Variants in RBFOX1 observed in about 807,000 individuals in gnomAD.
RBFOX1 encodes the protein RNA binding fox-1 homolog 1.
RBFOX1 carries 8 observed loss-of-function variants against 57.7 expected under a neutral mutation model. That is an observed-to-expected ratio of 0.14 (90% CI 0.08 to 0.25). RBFOX1 has a LOEUF of 0.25. Ranked by LOEUF, RBFOX1 falls within the 10% of genes least tolerant of loss-of-function variation. The pLI, the probability that RBFOX1 is intolerant of heterozygous loss-of-function variation, is 1.00. For missense variants in RBFOX1, 611 were observed against 548.5 expected (o/e 1.11, Z -1.14); for synonymous variants, 326 against 222.4 (o/e 1.47, Z -4.15).
chr16:7,033,180 T>A (rs1422739429), intron 3 of RBFOX1, among the ~76,000 whole-genome samples: 2 of 152,068 alleles, frequency 1.3e-5, no homozygotes, highest in Non-Finnish European at 2.9e-5. Context: ...AGGTGTTGAT[T>A]TTAGGGATTA....
At chr16:6,319,896 A>ATAAT (rs2081562991) in intron 2 of RBFOX1, among the ~76,000 whole-genome samples, 1 of 152,148 alleles carries the variant, frequency 6.6e-6, no homozygotes, top group Non-Finnish European at 1.5e-5. Flanking sequence ...CATCATGTTT[A>ATAAT]TAATTAATTA....
At chr16:5,886,607 G>T (rs1411214694) in intron 4 of RBFOX1, among the ~76,000 whole-genome samples, 1 of 152,204 alleles carries the variant, frequency 6.6e-6, no homozygotes, top group Non-Finnish European at 1.5e-5. Context: ...CGTCTCTTTG[G>T]CTGGGCGCGG....
In RBFOX1 at chr16:5,599,056, G is replaced by A; in HGVS notation, c.413G>A (p.Trp138Ter). Residue 138 changes from tryptophan (W) to a stop codon, truncating the protein, a stop_gained, in exon 3 of 3, where the codon TGG (tryptophan) becomes TAG (stop). Transcript: ENST00000585867. LOFTEE classifies it low-confidence loss of function (END_TRUNC). ...GTCTCCGTCATCAATCACCGGGAAT[G>A]GTTTTTACCTGAAACTGATCTTGCT... is the stretch of plus-strand genomic sequence containing the variant. The A allele has an allele frequency of 8.8e-7, 1 of 1,130,000 alleles. No homozygotes were observed. The highest frequency in any genetic ancestry group is 1.3e-6 in the Non-Finnish European group (1 of 776,348). 70.0% of individuals were successfully genotyped at this position (1,130,000 alleles called of 1,614,324 possible).
chr16:5,793,729 A>C (rs8050982), intron 3 of RBFOX1, among the ~76,000 whole-genome samples: 1 of 152,040 alleles, frequency 6.6e-6, no homozygotes, highest in Non-Finnish European at 1.5e-5. Context: ...GCCTGGATCT[A>C]TGTACATGTG....
chr16:7,448,524 A>G (rs2096507861), intron 4 of RBFOX1, among the ~76,000 whole-genome samples: 1 of 152,206 alleles, frequency 6.6e-6, no homozygotes, highest in Admixed American at 6.5e-5. Flanking sequence ...TATGGTGAGA[A>G]CAGCATGGGG....
chr16:7,299,407 G>A (rs2095976404), intron 4 of RBFOX1, among the ~76,000 whole-genome samples: 1 of 152,092 alleles, frequency 6.6e-6, no homozygotes, highest in Admixed American at 6.5e-5. Context: ...TTTAGTCCTG[G>A]ACTCACTGAC....
At chr16:6,416,953 T>C (rs557649902) in intron 2 of RBFOX1, among the ~76,000 whole-genome samples, 23 of 152,352 alleles carry the variant, frequency 1.5e-4, no homozygotes, top group African/African-American at 4.8e-4. Flanking sequence ...GTGCATATTT[T>C]ATGGTGATCA....
At chr16:5,990,027 G>GT (rs1183709517) in intron 4 of RBFOX1, among the ~76,000 whole-genome samples, 54 of 152,246 alleles carry the variant, frequency 3.5e-4, no homozygotes, top group African/African-American at 1.3e-3. Context: ...GTCTCCCTCT[G>GT]TTGCCCAGGC....
chr16:6,005,115 T>C (rs2060669908), intron 4 of RBFOX1, among the ~76,000 whole-genome samples: 1 of 152,192 alleles, frequency 6.6e-6, no homozygotes, highest in Non-Finnish European at 1.5e-5. Context: ...CATTTCTTAA[T>C]ACCAGGAGCA....
intron 1 of RBFOX1, among the ~76,000 whole-genome samples, chr16:5,252,440 G>A (rs538919299): frequency 1.3e-5 from 2 of 152,172 alleles, no homozygotes; most frequent in African/African-American, 2.4e-5. Flanking sequence ...CACTTGCTAC[G>A]TATGAGAGTT....
intron 2 of RBFOX1, among the ~76,000 whole-genome samples, chr16:5,489,044 A>G (rs965227391): frequency 6.6e-6 from 1 of 152,236 alleles, no homozygotes; most frequent in Admixed American, 6.5e-5. Flanking sequence ...ACGCCAAGGC[A>G]GAGATAAATG....
At chr16:6,841,223 A>G (rs1161820836) in intron 3 of RBFOX1, among the ~76,000 whole-genome samples, 1 of 152,198 alleles carries the variant, frequency 6.6e-6, no homozygotes, top group Non-Finnish European at 1.5e-5. Context: ...AAACATTATA[A>G]TAATGGTCAG....
At chr16:7,296,713 C>T (rs1212072617) in intron 4 of RBFOX1, among the ~76,000 whole-genome samples, 4 of 152,230 alleles carry the variant, frequency 2.6e-5, no homozygotes, top group South Asian at 2.1e-4. Flanking sequence ...TGGATGTGGG[C>T]CATGCAACCG....
intron 1 of RBFOX1, among the ~76,000 whole-genome samples, chr16:6,253,873 G>T (rs1355980346): frequency 1.3e-5 from 2 of 151,986 alleles, no homozygotes; most frequent in Non-Finnish European, 2.9e-5. Flanking sequence ...TTCCTCTTTG[G>T]AGCAGCCCCG....
intron 3 of RBFOX1, among the ~76,000 whole-genome samples, chr16:6,988,107 G>T (rs1459028414): frequency 6.7e-6 from 1 of 148,514 alleles, no homozygotes; most frequent in Non-Finnish European, 1.5e-5. Flanking sequence ...TGTGGATCCA[G>T]AGAGCACTGA....
chr16:6,166,002 C>G (rs2096914247), intron 1 of RBFOX1, among the ~76,000 whole-genome samples: 1 of 152,178 alleles, frequency 6.6e-6, no homozygotes, highest in South Asian at 2.1e-4. Context: ...AGGTGTGTGC[C>G]TGTACCACAC....
intron 13 of RBFOX1, among the ~76,000 whole-genome samples, chr16:7,676,249 T>C (rs924028265): frequency 6.6e-6 from 1 of 152,180 alleles, no homozygotes; most frequent in Non-Finnish European, 1.5e-5. Context: ...CATTCTTCAA[T>C]AACATTAGTG....
intron 2 of RBFOX1, among the ~76,000 whole-genome samples, chr16:6,501,725 C>G (rs2095936898): frequency 6.6e-6 from 1 of 152,124 alleles, no homozygotes; most frequent in African/African-American, 2.4e-5. Flanking sequence ...CTGACCTGTA[C>G]TGGGCGCTGT....
chr16:6,549,464 TGG>T (rs2153867869), intron 2 of RBFOX1, among the ~76,000 whole-genome samples: 1 of 15,060 alleles, frequency 6.6e-5, no homozygotes, highest in South Asian at 4.0e-3. Flanking sequence ...GAAAAGGAAG[TGG>T]GGAGGAGGGA....
Sources: allele counts gnomAD v4.1 joint callset (sites outside exome capture counted in the v4.1 genomes callset), GRCh38; gene constraint gnomAD v4.1.1; transcripts MANE v1.5; gene names NCBI Gene and HGNC (gene_info 2026-07-23, HGNC 2026-07-21).